The following ORC6 variants were observed in gnomAD, a reference collection of about 807,000 sequenced individuals.
ORC6 encodes the protein origin recognition complex subunit 6.
Under a neutral mutation model 30.0 loss-of-function variants are expected in ORC6, and 31 were observed. The observed-to-expected ratio is 1.03, with a 90% CI of 0.78 to 1.40. The LOEUF is 1.40. Ranked by LOEUF, ORC6 falls within the 40% of genes most tolerant of loss-of-function variation. The probability of loss-of-function intolerance (pLI) is 0.00; values close to 1 mark genes in which losing one functional copy is unlikely to be tolerated. For missense variants in ORC6, 340 were observed against 304.3 expected (o/e 1.12, Z -0.87); for synonymous variants, 136 against 111.2 (o/e 1.22, Z -1.40).
intron 6 of ORC6, among the ~76,000 whole-genome samples, chr16:46,696,780 C>T (rs140927866): frequency 0.021 from 3,172 of 152,214 alleles, 94 homozygotes; most frequent in African/African-American, 0.072. Flanking sequence ...CTCAGCCTCC[C>T]GAGTAGCTGG....
Position 46,696,102 on chromosome 16 carries a change from C to G in ORC6, c.631+17C>G, listed in dbSNP as rs746298559. On this transcript the variant is annotated intron_variant, in intron 6 of 6. Transcript: ENST00000219097. ...CAGCAAAGGGTAAGTTTTACTAACA[C>G]GGTACTGACGTTGACATTTTATGCA... The G allele has an allele frequency of 5.7e-6, 9 of 1,576,430 alleles. No homozygotes were observed. Among genetic ancestry groups the G allele is most frequent in the Non-Finnish European group, 7.9e-6 (9 of 1,145,602 alleles).
At chr16:46,694,640 T>G (rs1437462543) in intron 4 of ORC6, 1 of 136,096 alleles carries the variant, frequency 7.3e-6, no homozygotes, top group Non-Finnish European at 1.6e-5. Flanking sequence ...GGCGGGGGGC[T>G]GACCCCCCCA....
At position 46,695,649 on chromosome 16, in the gene ORC6, A is replaced by T. The variant is rs771556731; in HGVS notation, c.537A>T (p.Leu179=). The stretch of plus-strand genomic sequence containing the variant: ...TATTTGATCGACTGTGTAAACAACT[A>T]GAGAAGATTGGACAGCAGGTCGACA... ...KAIFDRLCKQ[L]EKIGQQVDRE... Residue 179 remains leucine (L), a synonymous_variant, in exon 5 of 7, where the codon CTA becomes CTT. Transcript: ENST00000219097. The T allele has an allele frequency of 1.9e-6, 3 of 1,609,846 alleles. No individual in the cohort carries two copies. In the African/African-American group the frequency reaches 4.0e-5, roughly 22 times the overall value.
intron 4 of ORC6, among the ~76,000 whole-genome samples, chr16:46,694,679 A>AC (rs2143010913): frequency 6.6e-6 from 1 of 151,980 alleles, no homozygotes; most frequent in South Asian, 2.1e-4. Flanking sequence ...AAAAAACAAA[A>AC]CACTGGCTAC....
At chr16:46,693,307 G>A (rs1043059273) in intron 4 of ORC6, 125 bp downstream of exon 4, 56 of 703,048 alleles carry the variant, frequency 8.0e-5, no homozygotes, top group Middle Eastern at 2.5e-4. Context: ...ATAATATTAG[G>A]AATATTGGCC....
chr16:46,691,720 T>C (rs919043855), intron 2 of ORC6, among the ~76,000 whole-genome samples: 1 of 152,216 alleles, frequency 6.6e-6, no homozygotes, highest in African/African-American at 2.4e-5. Flanking sequence ...CAGTATTCTC[T>C]TAACAGACTC....
At chr16:46,695,740 A>ATTT in intron 5 of ORC6, 66 bp downstream of exon 5, 1 of 1,015,804 alleles carries the variant, frequency 9.8e-7, no homozygotes, top group Non-Finnish European at 1.5e-6. Flanking sequence ...TAAAAGTCAA[A>ATTT]TATTTTCAAA....
At chr16:46,691,531 A>C (rs1166046721) in intron 2 of ORC6, among the ~76,000 whole-genome samples, 1 of 152,230 alleles carries the variant, frequency 6.6e-6, no homozygotes, top group African/African-American at 2.4e-5. Context: ...GTCCTCATCC[A>C]TAAAGTGAAG....
intron 4 of ORC6, chr16:46,694,584 G>A (rs1489213713): frequency 6.9e-6 from 1 of 145,146 alleles, no homozygotes; most frequent in African/African-American, 2.5e-5. Context: ...TGGCCGGGCA[G>A]AGGGGCTCCT....
At chr16:46,696,124 T>A (rs1966515272) in intron 6 of ORC6, 39 bp downstream of exon 6, 1 of 1,412,870 alleles carries the variant, frequency 7.1e-7, no homozygotes, top group Non-Finnish European at 1.0e-6. Flanking sequence ...TGACATTTTA[T>A]GCAGTGAACA....
intron 2 of ORC6, 22 bp from the exon 3 acceptor site, chr16:46,692,360 G>T (rs1192524261): frequency 2.5e-6 from 4 of 1,596,522 alleles, no homozygotes; most frequent in South Asian, 1.1e-5. Context: ...TATGATTTGT[G>T]TATGTGTTTT....
chr16:46,693,806 C>CT (rs1194005655), intron 4 of ORC6: 2,288 of 46,060 alleles, frequency 0.05, 47 homozygotes, highest in Non-Finnish European at 0.067. Flanking sequence ...AACACTGTCT[C>CT]TTTTTTTTTT....
Position 46,696,028 on chromosome 16 carries a change from G to C in ORC6, c.574G>C (p.Asp192His). The C allele has an allele frequency of 6.2e-7, 1 of 1,612,642 alleles. No individual in the cohort carries two copies. Among genetic ancestry groups the C allele is most frequent in the Non-Finnish European group, 8.5e-7 (1 of 1,178,610 alleles). The change falls in exon 6 of 7, where the codon GAT becomes CAT. Residue 192 changes from aspartate to histidine, a missense_variant. By Grantham distance (81) the Asp-to-His change is moderately conservative (BLOSUM62 -1). Transcript: ENST00000219097. Reference sequence around the variant, plus strand: ...AACACTTCTTAAAGGAGAACCTGGAGATGTAGCTACTCCACCACGGAAGAG... The same window carrying C: ...AACACTTCTTAAAGGAGAACCTGGACATGTAGCTACTCCACCACGGAAGAG... Reference protein sequence around the residue: ...IGQQVDREPGDVATPPRKRKK... With the variant: ...IGQQVDREPGHVATPPRKRKK...
chr16:46,692,821 T>C (rs1478745903), intron 3 of ORC6, among the ~76,000 whole-genome samples: 2 of 152,116 alleles, frequency 1.3e-5, no homozygotes, highest in East Asian at 1.9e-4. Flanking sequence ...TAAGCCGAGA[T>C]TGCACCACTG....
Position 46,698,183 on chromosome 16 carries a change from G to GGATGGATA in ORC6, c.*601_*602insGGATAGAT, listed in dbSNP as rs372278823. ...CTTATAGATAGATAGATAGATAGAT[G>GGATGGATA]GATAGATAGATAGATAGATAGATAG... On this transcript the variant is annotated 3_prime_UTR_variant, in exon 7 of 7. Coordinates refer to ENST00000219097, the MANE Select transcript of ORC6 (RefSeq NM_014321.4). The GGATGGATA allele has an allele frequency of 1.9e-5, 8 of 430,176 alleles. No homozygotes were observed. Among genetic ancestry groups the GGATGGATA allele is most frequent in the South Asian group, 1.3e-4 (8 of 60,670 alleles). 26.6% of individuals were successfully genotyped at this position (430,176 alleles called of 1,614,324 possible). A position where few individuals can be genotyped will look rare whatever the true frequency, so the allele number is the denominator to read the frequency against.
chr16:46,691,958 A>ACACACACACACACACACACACTCTCT, intron 2 of ORC6, among the ~76,000 whole-genome samples: 11 of 36,660 alleles, frequency 3.0e-4, no homozygotes, highest in African/African-American at 9.6e-4. Flanking sequence ...ACACACACAC[A>ACACACACACACACACACACACTCTCT]CTCTCTCTCT....
At position 46,697,698 on chromosome 16, in the gene ORC6, G is replaced by A; in HGVS notation, c.*113G>A. On this transcript the variant is annotated 3_prime_UTR_variant, in exon 7 of 7. Transcript: ENST00000219097. ...CTTTTATAATAAGGATCCTAAGACT[G>A]TTGCCTTTAAATAGCAAAGCAGCCT... The A allele has an allele frequency of 8.2e-7, 1 of 1,218,130 alleles. No individual in the cohort carries two copies. The highest frequency in any genetic ancestry group is 1.2e-6 in the Non-Finnish European group (1 of 830,354). The allele number at this position is 1,218,130 out of a possible 1,614,324, so 75.5% of individuals were successfully genotyped here.
Position 46,698,045 on chromosome 16 carries a change from G to A in ORC6, c.*460G>A, listed in dbSNP as rs1292150843. ...CAGGAGCATCACTTGAACGTGGGAGGCAGAGGTTGCAGTGAGCCGAGATTG... is the reference window on the plus strand; with the variant it reads ...CAGGAGCATCACTTGAACGTGGGAGACAGAGGTTGCAGTGAGCCGAGATTG... On this transcript the variant is annotated 3_prime_UTR_variant, in exon 7 of 7. Coordinates refer to ENST00000219097, the MANE Select transcript of ORC6 (RefSeq NM_014321.4). The A allele has an allele frequency of 2.4e-6, 1 of 408,654 alleles. No homozygotes were observed. Among genetic ancestry groups the A allele is most frequent in the Admixed American group, 2.6e-5 (1 of 37,968 alleles). The allele number at this position is 408,654 out of a possible 1,614,324, so 25.3% of individuals were successfully genotyped here.
chr16:46,696,485 G>A (rs144098877), intron 6 of ORC6, among the ~76,000 whole-genome samples: 1 of 152,244 alleles, frequency 6.6e-6, no homozygotes, highest in African/African-American at 2.4e-5. Flanking sequence ...TTTGTCTTTC[G>A]GAGGTTCTTT....
Sources: allele counts gnomAD v4.1 joint callset (sites outside exome capture counted in the v4.1 genomes callset), GRCh38; gene constraint gnomAD v4.1.1; transcripts MANE v1.5; gene names NCBI Gene and HGNC (gene_info 2026-07-23, HGNC 2026-07-21).